DAB1: variants seen among roughly 807,000 people sequenced by gnomAD.
DAB1 encodes disabled homolog 1.
DAB1 carries 15 observed loss-of-function variants against 64.6 expected under a neutral mutation model. That is an observed-to-expected ratio of 0.23 (90% CI 0.16 to 0.36). The LOEUF (loss-of-function observed/expected upper bound fraction) is 0.36, where lower values mean the gene tolerates loss of function less well. Among genes scored for constraint, DAB1 ranks in the 10% least tolerant of loss-of-function variants. The probability of loss-of-function intolerance (pLI) is 1.00; values close to 1 mark genes in which losing one functional copy is unlikely to be tolerated. For synonymous variants in DAB1, 235 were observed against 251.9 expected (o/e 0.93, Z 0.64); for missense variants, 596 against 706.7 (o/e 0.84, Z 1.78).
At chr1:57,769,469 C>G (rs1395668194) in intron 6 of DAB1, among the ~76,000 whole-genome samples, 4 of 152,182 alleles carry the variant, frequency 2.6e-5, no homozygotes, top group Admixed American at 6.6e-5. Context: ...GAAAACTAAT[C>G]AAACATGTAG....
Position 57,877,550 on chromosome 1 carries a change from T to A in DAB1, n.87+6449A>T, listed in dbSNP as rs895692353. Among the ~76,000 whole-genome samples, 5 of 53,784 alleles carry A rather than the reference T, an allele frequency of 9.3e-5. 1 individual carries two copies. In the East Asian group the frequency reaches 1.3e-3, roughly 14 times the overall value. The allele number at this position is 53,784 out of a possible 152,430, so 35.3% of individuals were successfully genotyped here. ...TTAAAAATCCTAATTGATTTATTTT[T>A]TTTTTTTTTTTTTTTTTTTTTGAGA... On this transcript the variant is annotated intron_variant and non_coding_transcript_variant, in intron 1 of 1. Coordinates refer to the DAB1 transcript ENST00000477280.
intron 2 of DAB1, among the ~76,000 whole-genome samples, chr1:57,198,863 G>A (rs992975656): frequency 1.3e-5 from 2 of 152,160 alleles, no homozygotes; most frequent in Non-Finnish European, 2.9e-5. Context: ...GAAAATGGAA[G>A]GAAGTGTGGG....
chr1:58,382,365 T>C (rs563326195), intron 3 of DAB1, among the ~76,000 whole-genome samples: 1 of 152,308 alleles, frequency 6.6e-6, no homozygotes, highest in African/African-American at 2.4e-5. Flanking sequence ...TAAGCTACAG[T>C]TGTTCCAAAC....
At chr1:58,519,940 T>A (rs937235128) in intron 2 of DAB1, among the ~76,000 whole-genome samples, 1 of 151,582 alleles carries the variant, frequency 6.6e-6, no homozygotes. Flanking sequence ...ATAAGATTAA[T>A]GAACTTCAAG....
chr1:57,662,758 C>T (rs944239176), intron 6 of DAB1, among the ~76,000 whole-genome samples: 1 of 152,166 alleles, frequency 6.6e-6, no homozygotes, highest in Admixed American at 6.5e-5. Context: ...GAGACCAGCT[C>T]AAGTGCTTGC....
At chr1:57,486,998 A>T (rs1644100783) in intron 7 of DAB1, among the ~76,000 whole-genome samples, 1 of 152,172 alleles carries the variant, frequency 6.6e-6, no homozygotes, top group Non-Finnish European at 1.5e-5. Context: ...TCGGCATATA[A>T]ATGTCAGGAA....
At chr1:58,070,346 G>A (rs530082209) in intron 5 of DAB1, among the ~76,000 whole-genome samples, 83 of 152,168 alleles carry the variant, frequency 5.5e-4, no homozygotes, top group Non-Finnish European at 9.1e-4. Context: ...CATCATGCTG[G>A]CAAAGATGTC....
chr1:57,845,947 T>G (rs1315203663), intron 1 of DAB1, among the ~76,000 whole-genome samples: 1 of 152,108 alleles, frequency 6.6e-6, no homozygotes, highest in Non-Finnish European at 1.5e-5. Context: ...TTTAATAAAT[T>G]TGCCCTAGGC....
In DAB1 at chr1:57,950,692, T is replaced by C. The variant is rs189570052; in HGVS notation, n.388-66530A>G. Among the ~76,000 whole-genome samples the C allele has an allele frequency of 2.0e-5, 3 of 152,338 alleles. No individual in the cohort carries two copies. The East Asian group carries it at 5.8e-4, about 29-fold the overall frequency. On this transcript the variant is annotated intron_variant and non_coding_transcript_variant, in intron 5 of 20. Coordinates refer to the DAB1 transcript ENST00000485760. Reference sequence around the variant, plus strand: ...TCTATTCCCTCTGCCTGGAATACCCTCTCTGTCATCTGATTATCTCCTATG... The same window carrying C: ...TCTATTCCCTCTGCCTGGAATACCCCCTCTGTCATCTGATTATCTCCTATG...
intron 2 of DAB1, among the ~76,000 whole-genome samples, chr1:58,527,010 A>G (rs1646362761): frequency 6.6e-6 from 1 of 152,154 alleles, no homozygotes; most frequent in African/African-American, 2.4e-5. Flanking sequence ...AGAACCTGAT[A>G]ATTACTATAA....
chr1:58,051,213 G>T (rs186212514), intron 5 of DAB1, among the ~76,000 whole-genome samples: 1 of 110,028 alleles, frequency 9.1e-6, no homozygotes, highest in Non-Finnish European at 1.8e-5. Context: ...CCCAGCCCCC[G>T]ATGGGCCCCA....
chr1:57,193,128 T>C (rs1452652164), intron 2 of DAB1, among the ~76,000 whole-genome samples: 2 of 152,102 alleles, frequency 1.3e-5, no homozygotes, highest in Non-Finnish European at 1.5e-5. Context: ...TTAACTACAG[T>C]CACCATGTTG....
chr1:57,350,223 T>G (rs1039531698), intron 1 of DAB1, among the ~76,000 whole-genome samples: 1 of 152,202 alleles, frequency 6.6e-6, no homozygotes, highest in African/African-American at 2.4e-5. Context: ...ATTTTTATCC[T>G]CATTTTTTGT....
At chr1:57,119,542 C>A (rs939247356) in intron 4 of DAB1, among the ~76,000 whole-genome samples, 1 of 152,078 alleles carries the variant, frequency 6.6e-6, no homozygotes, top group African/African-American at 2.4e-5. Flanking sequence ...GGTAATAAAA[C>A]GTATAATGCA....
intron 5 of DAB1, among the ~76,000 whole-genome samples, chr1:57,893,212 G>C (rs6691798): frequency 0.025 from 3,847 of 152,124 alleles, 180 homozygotes; most frequent in African/African-American, 0.089. Flanking sequence ...GATATGAATA[G>C]CTCTGGGACT....
intron 2 of DAB1, among the ~76,000 whole-genome samples, chr1:57,233,411 C>T (rs556214143): frequency 2.7e-5 from 4 of 150,112 alleles, no homozygotes; most frequent in African/African-American, 9.7e-5. Flanking sequence ...TACAGGCGCC[C>T]GCCATTACGC....
At chr1:57,360,276 C>T (rs56221416) in intron 1 of DAB1, among the ~76,000 whole-genome samples, 11,447 of 151,912 alleles carry the variant, frequency 0.075, 482 homozygotes, top group Middle Eastern at 0.12. Flanking sequence ...AAGTACTAGG[C>T]GGTATTACAA....
At chr1:58,034,073 C>T (rs1184842057) in intron 5 of DAB1, among the ~76,000 whole-genome samples, 1 of 152,080 alleles carries the variant, frequency 6.6e-6, no homozygotes, top group Non-Finnish European at 1.5e-5. Flanking sequence ...TAGAATACAG[C>T]AAAAATGACA....
intron 2 of DAB1, among the ~76,000 whole-genome samples, chr1:58,512,357 T>A (rs886277307): frequency 2.0e-5 from 3 of 152,166 alleles, no homozygotes; most frequent in African/African-American, 7.2e-5. Flanking sequence ...ACTCAAAAAA[T>A]TTTTAAAAAG....
Sources: gnomAD v4.1 joint callset for allele counts (sites outside exome capture counted in the v4.1 genomes callset) on GRCh38, gnomAD v4.1.1 for gene constraint, MANE v1.5 for transcripts, NCBI Gene and HGNC (gene_info 2026-07-23, HGNC 2026-07-21) for gene names.